SLC22A23: variants seen among roughly 807,000 people sequenced by gnomAD.
The protein encoded by SLC22A23 is solute carrier family 22 member 23.
SLC22A23 carries 26 observed loss-of-function variants against 61.0 expected under a neutral mutation model. The observed-to-expected ratio is 0.43, with a 90% CI of 0.31 to 0.59. SLC22A23 has a LOEUF of 0.59. Ranked by LOEUF, SLC22A23 falls within the 20% of genes least tolerant of loss-of-function variation. SLC22A23 has a pLI of 0.11. For missense variants in SLC22A23, 796 were observed against 934.7 expected, an observed-to-expected ratio of 0.85 and a Z score of 1.94; for synonymous variants, 430 against 413.9, an observed-to-expected ratio of 1.04 and a Z score of -0.47.
intron 3 of SLC22A23, among the ~76,000 whole-genome samples, chr6:3,325,163 C>T (rs779038327): frequency 6.6e-6 from 1 of 152,166 alleles, no homozygotes; most frequent in Non-Finnish European, 1.5e-5. Context: ...TCGGAGAGAA[C>T]ACTTTTTATG....
At chr6:3,374,054 C>T (rs1222052574) in intron 3 of SLC22A23, among the ~76,000 whole-genome samples, 2 of 152,212 alleles carry the variant, frequency 1.3e-5, no homozygotes, top group Non-Finnish European at 2.9e-5. Context: ...AGCAACACAT[C>T]CTCTGATTTC....
At chr6:3,421,919 T>A (rs183934127) in intron 1 of SLC22A23, among the ~76,000 whole-genome samples, 34 of 152,356 alleles carry the variant, frequency 2.2e-4, no homozygotes, top group African/African-American at 7.7e-4. Flanking sequence ...TTAAGCACGT[T>A]AATGCTCACT....
At chr6:3,411,486 C>T (rs1019910004) in intron 2 of SLC22A23, among the ~76,000 whole-genome samples, 1 of 152,130 alleles carries the variant, frequency 6.6e-6, no homozygotes, top group Non-Finnish European at 1.5e-5. Context: ...GGTGATGTTT[C>T]CATCATCCTT....
At chr6:3,332,916 G>A (rs1371774488) in intron 3 of SLC22A23, among the ~76,000 whole-genome samples, 2 of 152,072 alleles carry the variant, frequency 1.3e-5, no homozygotes, top group Admixed American at 1.3e-4. Context: ...CCGTGATGTC[G>A]TTCACATGTT....
At chr6:3,348,735 G>A (rs1279937624) in intron 3 of SLC22A23, among the ~76,000 whole-genome samples, 1 of 152,154 alleles carries the variant, frequency 6.6e-6, no homozygotes, top group Non-Finnish European at 1.5e-5. Context: ...CTAGCAAACT[G>A]TCCAAGGAAA....
At chr6:3,276,231 A>C (rs907881060) in intron 9 of SLC22A23, among the ~76,000 whole-genome samples, 4 of 152,132 alleles carry the variant, frequency 2.6e-5, no homozygotes, top group African/African-American at 9.7e-5. Flanking sequence ...CAGTCCACCC[A>C]TCTGCATCCA....
At chr6:3,418,692 C>T (rs1448682247) in intron 1 of SLC22A23, among the ~76,000 whole-genome samples, 2 of 152,226 alleles carry the variant, frequency 1.3e-5, no homozygotes, top group Non-Finnish European at 2.9e-5. Flanking sequence ...CTACCTTAAA[C>T]CCTCCTCAAC....
intron 4 of SLC22A23, among the ~76,000 whole-genome samples, chr6:3,306,005 T>C (rs965622052): frequency 6.6e-6 from 1 of 151,850 alleles, no homozygotes; most frequent in African/African-American, 2.4e-5. Flanking sequence ...AGAAAAGAGG[T>C]TTATTTGGCT....
rs867325032 is a variant in SLC22A23, at chr6:3,324,193, A to T, written c.914-191T>A. The T allele has an allele frequency of 1.4e-5, 9 of 632,962 alleles. No individual in the cohort carries two copies. The highest frequency in any genetic ancestry group is 2.8e-4 in the Middle Eastern group (1 of 3,514). 39.2% of individuals were successfully genotyped at this position (632,962 alleles called of 1,614,324 possible). A position where few individuals can be genotyped will look rare whatever the true frequency, so the allele number is the denominator to read the frequency against. On this transcript the variant is annotated intron_variant, in intron 3 of 9. Coordinates refer to ENST00000406686, the MANE Select transcript of SLC22A23 (RefSeq NM_015482.2). This position sits in a 1 kb window ranked among gnomAD's most constrained non-coding sequence, Gnocchi z 4.3. The stretch of plus-strand genomic sequence containing the variant: ...GCGTTGAGGCTCCAACTGGGAAGGG[A>T]AGTGAGACGGTTGTTCAAGGCCACA...
At chr6:3,275,210 A>G (rs552396650) in intron 9 of SLC22A23, among the ~76,000 whole-genome samples, 1 of 152,312 alleles carries the variant, frequency 6.6e-6, no homozygotes, top group East Asian at 1.9e-4. Flanking sequence ...AAATCCAGTG[A>G]GGGGGAAGGG....
Position 3,273,382 on chromosome 6 carries a change from G to A in SLC22A23, c.1734C>T (p.Ser578=), listed in dbSNP as rs35042900. ...RCGGLGLVLA[S]AGFGMLTAPI... ...GTGCCGTCAGCATGCCGAAGCCCGC[G>A]CTGGCCAGCACCAGCCCCAGCCCGC... is the stretch of plus-strand genomic sequence containing the variant. The change falls in exon 10 of 10, where the codon AGC becomes AGT. Residue 578 remains serine, a synonymous_variant. Transcript: ENST00000406686. The A allele has an allele frequency of 2.2e-3, 3,604 of 1,612,492 alleles. 84 individuals carry two copies. In the African/African-American group the frequency reaches 0.041, roughly 19 times the overall value.
At chr6:3,428,888 A>G (rs2127537842) in intron 1 of SLC22A23, among the ~76,000 whole-genome samples, 1 of 152,296 alleles carries the variant, frequency 6.6e-6, no homozygotes, top group African/African-American at 2.4e-5. Context: ...AACAAAGTCA[A>G]GCTGGTGTCT....
chr6:3,353,528 T>C (rs1764898648), intron 3 of SLC22A23, among the ~76,000 whole-genome samples: 1 of 152,228 alleles, frequency 6.6e-6, no homozygotes, highest in Non-Finnish European at 1.5e-5. Context: ...AGGTGTTCAT[T>C]ATGCTTTACA....
At chr6:3,340,979 C>T (rs552551175) in intron 3 of SLC22A23, among the ~76,000 whole-genome samples, 1 of 152,360 alleles carries the variant, frequency 6.6e-6, no homozygotes, top group South Asian at 2.1e-4. Context: ...GCATTCCCAT[C>T]ACCAATGCCT....
chr6:3,418,906 C>T (rs1011649001), intron 1 of SLC22A23, among the ~76,000 whole-genome samples: 3 of 152,174 alleles, frequency 2.0e-5, no homozygotes, highest in Admixed American at 6.5e-5. Flanking sequence ...TTGACTTCTG[C>T]TTCTGGTATT....
At chr6:3,441,948 C>T (rs547889343) in intron 1 of SLC22A23, among the ~76,000 whole-genome samples, 4 of 152,246 alleles carry the variant, frequency 2.6e-5, no homozygotes, top group East Asian at 1.9e-4. Flanking sequence ...AGGGATTGTC[C>T]GGAACTGTCT....
chr6:3,378,537 A>C (rs1349000218), intron 3 of SLC22A23, among the ~76,000 whole-genome samples: 1 of 151,786 alleles, frequency 6.6e-6, no homozygotes, highest in East Asian at 1.9e-4. Context: ...GGCTTTCACT[A>C]CTTGAAGGGC....
chr6:3,422,254 A>C (rs185962176), intron 1 of SLC22A23, among the ~76,000 whole-genome samples: 255 of 152,310 alleles, frequency 1.7e-3, no homozygotes, highest in African/African-American at 5.7e-3. Context: ...GCAGCCTCTC[A>C]TGAACCAGTG....
At chr6:3,423,200 T>C (rs1449234467) in intron 1 of SLC22A23, among the ~76,000 whole-genome samples, 2 of 152,194 alleles carry the variant, frequency 1.3e-5, no homozygotes, top group Non-Finnish European at 1.5e-5. Flanking sequence ...GCTAGAGATG[T>C]AGAACTTGAA....
Sources: gnomAD v4.1 joint callset for allele counts (sites outside exome capture counted in the v4.1 genomes callset) on GRCh38, gnomAD v4.1.1 for gene constraint, Gnocchi (gnomAD v3.1) non-coding constraint, MANE v1.5 for transcripts, NCBI Gene and HGNC (gene_info 2026-07-23, HGNC 2026-07-21) for gene names.